PLXNC1: variants seen among roughly 807,000 people sequenced by gnomAD.
PLXNC1 encodes plexin C1, also known as plexin-C1.
A neutral mutation model predicts 178.2 loss-of-function variants in PLXNC1; 75 were observed. The ratio of observed to expected loss-of-function variants is 0.42; its 90% CI spans 0.35 to 0.51. The LOEUF is 0.51. Ranked by LOEUF, PLXNC1 falls within the 20% of genes least tolerant of loss-of-function variation. PLXNC1 has a pLI of 0.02. For synonymous variants in PLXNC1, 790 were observed against 779.9 expected, an observed-to-expected ratio of 1.01 and a Z score of -0.22; for missense variants, 1,503 against 1,984.4, an observed-to-expected ratio of 0.76 and a Z score of 4.61.
chr12:94,258,011 G>A (rs1231781208), intron 17 of PLXNC1, among the ~76,000 whole-genome samples: 2 of 149,514 alleles, frequency 1.3e-5, no homozygotes, highest in Non-Finnish European at 1.5e-5. Flanking sequence ...GCGACAGAGG[G>A]AGATTCCGTC....
chr12:94,269,666 G>T (rs1965455788), intron 21 of PLXNC1, among the ~76,000 whole-genome samples: 1 of 152,154 alleles, frequency 6.6e-6, no homozygotes, highest in Non-Finnish European at 1.5e-5. Flanking sequence ...CCTGATGTTT[G>T]CACTTCAGCA....
chr12:94,264,096 G>C (rs1004920982), intron 20 of PLXNC1, among the ~76,000 whole-genome samples: 35 of 152,164 alleles, frequency 2.3e-4, no homozygotes, highest in African/African-American at 6.7e-4. Context: ...TCCCAGCCAC[G>C]GTTCTTCCTC....
intron 22 of PLXNC1, chr12:94,280,196 C>T: frequency 4.6e-6 from 1 of 217,442 alleles, no homozygotes; most frequent in Non-Finnish European, 9.4e-6. Flanking sequence ...TCGGGCTCTA[C>T]TGGTATACTG....
intron 12 of PLXNC1, among the ~76,000 whole-genome samples, chr12:94,244,878 GTACTTGCACACACTTCTAAA>G (rs1592804463): frequency 1.3e-5 from 2 of 152,216 alleles, no homozygotes; most frequent in East Asian, 3.8e-4. Context: ...GCCTCCAAGT[GTACTTGCACACACTTCTAAA>G]TATCCTTCCC....
At chr12:94,195,726 A>G (rs1450974723) in intron 4 of PLXNC1, among the ~76,000 whole-genome samples, 1 of 152,174 alleles carries the variant, frequency 6.6e-6, no homozygotes, top group African/African-American at 2.4e-5. Flanking sequence ...AGCTGCAGTT[A>G]GGCTGTTCCA....
Position 94,254,788 on chromosome 12 carries a change from G to A in PLXNC1, c.2883G>A (p.Ala961=), listed in dbSNP as rs1430828316. ...LPVLLVIVIF[A]AVGVTRHKSK... ...TGATGCAGCATCTCTGTCTCTTAGC[G>A]GCCGTGGGGGTGACCAGGCACAAAT... Residue 961 remains alanine, a splice_region_variant and synonymous_variant, in exon 16 of 31, where the codon GCG becomes GCA. Transcript: ENST00000258526. 5.0e-6 allele frequency: 8 copies of A among 1,586,858 alleles called. No individual in the cohort carries two copies. The highest frequency in any genetic ancestry group is 2.7e-5 in the African/African-American group (2 of 72,992).
At chr12:94,186,517 G>C in intron 4 of PLXNC1, 44 bp downstream of exon 4, 1 of 1,262,142 alleles carries the variant, frequency 7.9e-7, no homozygotes. Context: ...TTTTGAAAAA[G>C]TGTCATGCGG....
chr12:94,279,708 C>A, intron 22 of PLXNC1, 59 bp downstream of exon 22: 1 of 1,418,742 alleles, frequency 7.0e-7, no homozygotes, highest in Non-Finnish European at 9.9e-7. Context: ...TCCCTGCCTG[C>A]CCTCCCTCCC....
At chr12:94,153,975 G>A (rs1369955341) in intron 1 of PLXNC1, among the ~76,000 whole-genome samples, 1 of 152,106 alleles carries the variant, frequency 6.6e-6, no homozygotes, top group African/African-American at 2.4e-5. Flanking sequence ...TTATGATTTT[G>A]TCAAGCCATT....
intron 20 of PLXNC1, among the ~76,000 whole-genome samples, chr12:94,264,140 A>AG (rs1373632116): frequency 6.6e-6 from 1 of 152,084 alleles, no homozygotes; most frequent in Non-Finnish European, 1.5e-5. Flanking sequence ...TGATTACGGA[A>AG]GGTTCGTTAT....
chr12:94,238,608 C>T (rs1964303143), intron 10 of PLXNC1, among the ~76,000 whole-genome samples: 1 of 152,114 alleles, frequency 6.6e-6, no homozygotes, highest in Admixed American at 6.6e-5. Context: ...TTACAGTCTA[C>T]ATAGAGTATA....
intron 4 of PLXNC1, among the ~76,000 whole-genome samples, chr12:94,187,064 C>T (rs543976916): frequency 1.3e-5 from 2 of 152,158 alleles, no homozygotes; most frequent in African/African-American, 4.8e-5. Flanking sequence ...AGTTTCCTAG[C>T]GTCGCTGGGC....
At chr12:94,230,317 G>A (rs918897150) in intron 9 of PLXNC1, among the ~76,000 whole-genome samples, 5 of 152,058 alleles carry the variant, frequency 3.3e-5, no homozygotes, top group African/African-American at 9.7e-5. Flanking sequence ...TCCAGGCAGC[G>A]GCTTTTTAAA....
Position 94,307,383 on chromosome 12 carries a change from A to G in PLXNC1, c.*2098A>G, listed in dbSNP as rs571593562. The G allele has an allele frequency of 2.0e-5, 3 of 152,326 alleles. No individual in the cohort carries two copies. Among genetic ancestry groups the G allele is most frequent in the Non-Finnish European group, 2.9e-5 (2 of 68,022 alleles). The allele number at this position is 152,326 out of a possible 1,614,324, so 9.4% of individuals were successfully genotyped here. ...GCCAAATGCAGTAAATGGCCAAATT[A>G]GATGTGTGCTGAAGACAATCAGTCA... is the stretch of plus-strand genomic sequence containing the variant. On this transcript the variant is annotated 3_prime_UTR_variant, in exon 31 of 31. Coordinates refer to ENST00000258526, the MANE Select transcript of PLXNC1 (RefSeq NM_005761.3).
intron 8 of PLXNC1, 97 bp from the exon 9 acceptor site, chr12:94,227,052 T>C: frequency 1.2e-6 from 1 of 847,254 alleles, no homozygotes; most frequent in Non-Finnish European, 2.0e-6. Flanking sequence ...CAAAAATAAA[T>C]GTTTGTGACT....
chr12:94,267,481 C>G (rs1480252276), intron 21 of PLXNC1, among the ~76,000 whole-genome samples: 2 of 152,058 alleles, frequency 1.3e-5, no homozygotes, highest in East Asian at 3.8e-4. Flanking sequence ...TTCTTTATAG[C>G]CCCTGGGGAA....
intron 15 of PLXNC1, 65 bp downstream of exon 15, chr12:94,251,593 C>G (rs956941808): frequency 1.0e-6 from 1 of 971,064 alleles, no homozygotes; most frequent in Non-Finnish European, 1.7e-6. Context: ...GGCAGGCAGA[C>G]TTTCAGCTTT....
intron 24 of PLXNC1, among the ~76,000 whole-genome samples, 197 bp from the exon 25 acceptor site, chr12:94,296,992 C>G (rs113365332): frequency 3.7e-4 from 57 of 152,328 alleles, no homozygotes; most frequent in African/African-American, 1.3e-3. Context: ...TCCAATCCCT[C>G]ACCCGTCCCA....
At chr12:94,176,605 T>A (rs1189936478) in intron 2 of PLXNC1, among the ~76,000 whole-genome samples, 1 of 152,218 alleles carries the variant, frequency 6.6e-6, no homozygotes, top group Non-Finnish European at 1.5e-5. Context: ...TATATATTTA[T>A]TTTTAAGGTA....
Sources: allele counts gnomAD v4.1 joint callset (sites outside exome capture counted in the v4.1 genomes callset), GRCh38; gene constraint gnomAD v4.1.1; transcripts MANE v1.5; gene names NCBI Gene and HGNC (gene_info 2026-07-23, HGNC 2026-07-21).